Variants in TMEM108 observed in about 807,000 individuals in gnomAD.
TMEM108 encodes cancer/testis antigen 124.
TMEM108 carries 12 observed loss-of-function variants against 35.1 expected under a neutral mutation model. That is an observed-to-expected ratio of 0.34 (90% CI 0.22 to 0.55). The LOEUF is 0.55. Among genes scored for constraint, TMEM108 ranks in the 20% least tolerant of loss-of-function variants. The pLI is 0.89. For synonymous variants in TMEM108, 287 were observed against 308.6 expected (o/e 0.93, Z 0.73); for missense variants, 680 against 753.3 (o/e 0.90, Z 1.14).
At chr3:133,106,237 C>A (rs144643577) in intron 2 of TMEM108, among the ~76,000 whole-genome samples, 1 of 122,894 alleles carries the variant, frequency 8.1e-6, no homozygotes, top group Admixed American at 1.0e-4. Context: ...AATAATGTTA[C>A]GTATTTGTAG....
chr3:133,200,903 A>G (rs771393154), intron 2 of TMEM108, among the ~76,000 whole-genome samples: 1 of 152,248 alleles, frequency 6.6e-6, no homozygotes, highest in Non-Finnish European at 1.5e-5. Flanking sequence ...TAGTAACCAC[A>G]TGTAGCTAGT....
chr3:133,257,759 A>T (rs930577090), intron 3 of TMEM108, among the ~76,000 whole-genome samples: 2 of 152,232 alleles, frequency 1.3e-5, no homozygotes, highest in Admixed American at 6.5e-5. Flanking sequence ...AGTGGAGTAG[A>T]TACTGCCTAG....
intron 2 of TMEM108, among the ~76,000 whole-genome samples, chr3:133,149,676 C>A (rs1010626244): frequency 1.3e-5 from 2 of 152,114 alleles, no homozygotes; most frequent in African/African-American, 4.8e-5. Context: ...GCAGAATTTT[C>A]TTCTTTTTAA....
chr3:133,256,766 T>G (rs1946552950), intron 3 of TMEM108, among the ~76,000 whole-genome samples: 1 of 152,016 alleles, frequency 6.6e-6, no homozygotes, highest in African/African-American at 2.4e-5. Context: ...TATAGAGAAA[T>G]CTGGATAAGT....
At chr3:133,124,425 C>T (rs533451115) in intron 2 of TMEM108, among the ~76,000 whole-genome samples, 77 of 152,270 alleles carry the variant, frequency 5.1e-4, no homozygotes, top group African/African-American at 1.7e-3. Flanking sequence ...AATTAAAATT[C>T]GGCTGGAGTT....
intron 3 of TMEM108, among the ~76,000 whole-genome samples, chr3:133,249,496 T>C (rs1311358585): frequency 5.9e-5 from 9 of 152,222 alleles, no homozygotes; most frequent in Admixed American, 4.6e-4. Flanking sequence ...GTGTCTATTG[T>C]TGCCATCTTT....
chr3:133,157,939 C>T (rs2107775326), intron 2 of TMEM108, among the ~76,000 whole-genome samples: 2 of 152,242 alleles, frequency 1.3e-5, no homozygotes, highest in Non-Finnish European at 2.9e-5. Flanking sequence ...TACAACATGG[C>T]CTTTTGAGTG....
intron 3 of TMEM108, among the ~76,000 whole-genome samples, chr3:133,347,476 A>G (rs2071856862): frequency 1.3e-5 from 2 of 152,044 alleles, no homozygotes; most frequent in Admixed American, 6.6e-5. Context: ...TAGAAAACCA[A>G]CTGACTTTTG....
At chr3:133,173,213 C>T (rs934455479) in intron 2 of TMEM108, among the ~76,000 whole-genome samples, 1 of 152,302 alleles carries the variant, frequency 6.6e-6, no homozygotes, top group African/African-American at 2.4e-5. Context: ...TAACGTTGCA[C>T]TGTATAAGTT....
At chr3:133,142,542 A>G (rs73860844) in intron 2 of TMEM108, among the ~76,000 whole-genome samples, 1 of 152,142 alleles carries the variant, frequency 6.6e-6, no homozygotes, top group Non-Finnish European at 1.5e-5. Flanking sequence ...GGCTGCTGCT[A>G]TCCTGGAGCA....
intron 3 of TMEM108, among the ~76,000 whole-genome samples, chr3:133,274,822 G>A (rs1404044541): frequency 6.6e-6 from 1 of 152,164 alleles, no homozygotes; most frequent in African/African-American, 2.4e-5. Context: ...CCAGTCAGGG[G>A]GTTAGACACA....
chr3:133,053,238 T>C (rs1559817046), intron 2 of TMEM108, among the ~76,000 whole-genome samples: 1 of 152,178 alleles, frequency 6.6e-6, no homozygotes, highest in Non-Finnish European at 1.5e-5. Context: ...TTTATTTTGA[T>C]TCACTGCAGC....
chr3:133,380,155 G>T lies in TMEM108; in HGVS notation c.444G>T (p.Gly148=). The change falls in exon 4 of 6, where the codon GGG becomes GGT. Residue 148 remains glycine, a synonymous_variant. Coordinates refer to ENST00000321871, the MANE Select transcript of TMEM108 (RefSeq NM_023943.4). The surrounding 1 kb of genome is among the most constrained non-coding windows in gnomAD (Gnocchi z 5.3). ...CCATCCTGCTGACAAAGCCACCGGG[G>T]GCCACCAGCCGCCCCACCACAGCGC... ...APTILLTKPP[G]ATSRPTTAPP... The T allele has an allele frequency of 6.2e-7, 1 of 1,613,128 alleles. No homozygotes were observed. Among genetic ancestry groups the T allele is most frequent in the South Asian group, 1.1e-5 (1 of 91,030 alleles).
chr3:133,250,847 A>G (rs1426378728), intron 3 of TMEM108, among the ~76,000 whole-genome samples: 1 of 152,140 alleles, frequency 6.6e-6, no homozygotes, highest in Non-Finnish European at 1.5e-5. Flanking sequence ...TTTTTAATGT[A>G]TCCATCCTTT....
intron 3 of TMEM108, among the ~76,000 whole-genome samples, chr3:133,334,043 A>G (rs2071442532): frequency 6.6e-6 from 1 of 152,186 alleles, no homozygotes; most frequent in Non-Finnish European, 1.5e-5. Context: ...GAGGTGGTTT[A>G]GAGCCCATCC....
chr3:133,077,671 T>C (rs1943758686), intron 2 of TMEM108, among the ~76,000 whole-genome samples: 1 of 152,188 alleles, frequency 6.6e-6, no homozygotes. Context: ...GCACTTTCCC[T>C]TTTCTGTTTG....
intron 3 of TMEM108, among the ~76,000 whole-genome samples, chr3:133,300,569 G>T (rs569344699): frequency 6.6e-6 from 1 of 152,124 alleles, no homozygotes; most frequent in Non-Finnish European, 1.5e-5. Context: ...AGTGCCACAT[G>T]GGGAAGCACC....
chr3:133,181,206 G>C (rs112558259), intron 2 of TMEM108, among the ~76,000 whole-genome samples: 3 of 151,916 alleles, frequency 2.0e-5, no homozygotes, highest in African/African-American at 7.3e-5. Context: ...TGATAATTCC[G>C]TATCAGTAAA....
Position 133,168,554 on chromosome 3 carries a change from C to G in TMEM108, c.-46-60712C>G, listed in dbSNP as rs1945078946. On this transcript the variant is annotated intron_variant, in intron 2 of 5. Coordinates refer to ENST00000321871, the MANE Select transcript of TMEM108 (RefSeq NM_023943.4). ...AGGATTGTAAACACACCAGTTAGCA[C>G]TTGGTAAAAAAAGGACCAATCAGCA... Among the ~76,000 whole-genome samples the G allele has an allele frequency of 2.0e-5, 3 of 151,630 alleles. No homozygotes were observed. In the South Asian group the frequency reaches 6.3e-4, roughly 32 times the overall value.
Sources: gnomAD v4.1 joint callset for allele counts (sites outside exome capture counted in the v4.1 genomes callset) on GRCh38, gnomAD v4.1.1 for gene constraint, Gnocchi (gnomAD v3.1) non-coding constraint, MANE v1.5 for transcripts, NCBI Gene and HGNC (gene_info 2026-07-23, HGNC 2026-07-21) for gene names.